SLC8A1: variants seen among roughly 807,000 people sequenced by gnomAD.
SLC8A1 encodes the protein sodium/calcium exchanger 1.
Under a neutral mutation model 68.3 loss-of-function variants are expected in SLC8A1, and 18 were observed. The ratio of observed to expected loss-of-function variants is 0.26; its 90% CI spans 0.18 to 0.39. SLC8A1 has a LOEUF of 0.39. Ranked by LOEUF, SLC8A1 falls within the 10% of genes least tolerant of loss-of-function variation. SLC8A1 has a pLI of 1.00. For synonymous variants in SLC8A1, 475 were observed against 415.5 expected, an observed-to-expected ratio of 1.14 and a Z score of -1.74; for missense variants, 985 against 1,156.7, an observed-to-expected ratio of 0.85 and a Z score of 2.15.
chr2:40,278,264 A>T (rs71439292), intron 2 of SLC8A1, among the ~76,000 whole-genome samples: 2 of 151,812 alleles, frequency 1.3e-5, no homozygotes, highest in Non-Finnish European at 2.9e-5. Flanking sequence ...AGGTCAAGAG[A>T]TAGAGACCAT....
intron 2 of SLC8A1, among the ~76,000 whole-genome samples, chr2:40,224,157 G>A (rs1288404259): frequency 6.6e-6 from 1 of 152,132 alleles, no homozygotes; most frequent in Admixed American, 6.6e-5. Context: ...GTGGATTACT[G>A]TAGCCAATCA....
At chr2:40,159,638 A>G (rs1257822904) in intron 6 of SLC8A1, among the ~76,000 whole-genome samples, 1 of 152,194 alleles carries the variant, frequency 6.6e-6, no homozygotes, top group Non-Finnish European at 1.5e-5. Flanking sequence ...CATAAGAAAT[A>G]AAAGAGAGTT....
intron 6 of SLC8A1, among the ~76,000 whole-genome samples, chr2:40,144,333 T>G (rs1050526567): frequency 2.6e-5 from 4 of 152,214 alleles, no homozygotes; most frequent in African/African-American, 9.6e-5. Context: ...AAGTGGGCAT[T>G]ATTAATCCCA....
intron 2 of SLC8A1, among the ~76,000 whole-genome samples, chr2:40,361,749 G>T (rs1184847184): frequency 6.6e-6 from 1 of 151,834 alleles, no homozygotes; most frequent in African/African-American, 2.4e-5. Flanking sequence ...ACACGTATCG[G>T]GTAGGAAGGA....
At chr2:40,470,401 G>A (rs908236555) in intron 1 of SLC8A1, among the ~76,000 whole-genome samples, 7 of 151,774 alleles carry the variant, frequency 4.6e-5, no homozygotes, top group African/African-American at 1.7e-4. Context: ...AGTTCAAAAT[G>A]GCATTATTTA....
intron 2 of SLC8A1, among the ~76,000 whole-genome samples, chr2:40,397,983 A>G (rs1687522263): frequency 6.6e-6 from 1 of 152,200 alleles, no homozygotes; most frequent in Admixed American, 6.5e-5. Flanking sequence ...GAGCCAACGG[A>G]TGTTTCAACT....
At chr2:40,239,978 G>A (rs1483369248) in intron 2 of SLC8A1, among the ~76,000 whole-genome samples, 1 of 152,170 alleles carries the variant, frequency 6.6e-6, no homozygotes, top group Admixed American at 6.5e-5. Flanking sequence ...GTAATCCGAA[G>A]TCATGTGAAT....
intron 2 of SLC8A1, among the ~76,000 whole-genome samples, chr2:40,221,633 C>T (rs1004220375): frequency 4.0e-5 from 6 of 151,740 alleles, no homozygotes; most frequent in African/African-American, 1.5e-4. Context: ...TTAGAAAACC[C>T]CAACGTTTCA....
At chr2:40,277,255 A>G (rs1386140489) in intron 2 of SLC8A1, among the ~76,000 whole-genome samples, 2 of 151,964 alleles carry the variant, frequency 1.3e-5, no homozygotes, top group African/African-American at 2.4e-5. Context: ...TAAAACAGAG[A>G]TAGTGCTGGG....
intron 2 of SLC8A1, chr2:40,254,274 ATTAACGGTCAAAAT>A (rs1217604389): frequency 6.6e-6 from 1 of 152,262 alleles, no homozygotes; most frequent in African/African-American, 2.4e-5. Flanking sequence ...ATTTCCTTAC[ATTAACGGTCAAAAT>A]GAATGCCACA....
At chr2:40,393,441 T>C (rs982418466) in intron 2 of SLC8A1, among the ~76,000 whole-genome samples, 5 of 152,144 alleles carry the variant, frequency 3.3e-5, no homozygotes, top group African/African-American at 9.7e-5. Context: ...AAGGGTGGAA[T>C]TGCTATGTTC....
At chr2:40,393,286 C>T (rs912230558) in intron 2 of SLC8A1, among the ~76,000 whole-genome samples, 1 of 152,024 alleles carries the variant, frequency 6.6e-6, no homozygotes, top group Non-Finnish European at 1.5e-5. Context: ...AAAATCCCAA[C>T]AGCTATCCAG....
chr2:40,317,894 G>A (rs958371088), intron 2 of SLC8A1, among the ~76,000 whole-genome samples: 7 of 151,952 alleles, frequency 4.6e-5, no homozygotes, highest in East Asian at 1.9e-4. Flanking sequence ...TTCACTCCTC[G>A]AGGTGGTATG....
exon 8 of SLC8A1, chr2:40,102,328 A>T (rs1315310378): frequency 4.0e-5 from 6 of 150,312 alleles, no homozygotes; most frequent in African/African-American, 1.2e-4. Context: ...TTTGTTCACA[A>T]TTTCTTGAAT....
At chr2:40,237,792 G>A (rs1000708611) in intron 2 of SLC8A1, among the ~76,000 whole-genome samples, 18 of 152,246 alleles carry the variant, frequency 1.2e-4, no homozygotes, top group East Asian at 9.7e-4. Flanking sequence ...TGGTGTGGAC[G>A]TCCTTTCTGT....
chr2:40,436,878 C>T (rs1699523856), intron 1 of SLC8A1, among the ~76,000 whole-genome samples: 1 of 151,978 alleles, frequency 6.6e-6, no homozygotes, highest in African/African-American at 2.4e-5. Context: ...GTGAAGTTAG[C>T]CAGGTTTGTC....
chr2:40,374,279 A>G (rs1679084726), intron 2 of SLC8A1, among the ~76,000 whole-genome samples: 1 of 152,092 alleles, frequency 6.6e-6, no homozygotes. Flanking sequence ...TGGAAGGCCA[A>G]GGCAGGTGGG....
intron 2 of SLC8A1, among the ~76,000 whole-genome samples, chr2:40,365,523 C>T (rs1675888098): frequency 6.6e-6 from 1 of 152,046 alleles, no homozygotes; most frequent in Non-Finnish European, 1.5e-5. Flanking sequence ...CAGCACTGCT[C>T]AAGAATCACT....
At chr2:40,444,171 C>T (rs1201203171) in intron 1 of SLC8A1, among the ~76,000 whole-genome samples, 4 of 151,944 alleles carry the variant, frequency 2.6e-5, no homozygotes, top group Admixed American at 1.3e-4. Flanking sequence ...CCTGTCTCTA[C>T]AAAAATAAAA....
Sources: allele counts gnomAD v4.1 joint callset (sites outside exome capture counted in the v4.1 genomes callset), GRCh38; gene constraint gnomAD v4.1.1; transcripts MANE v1.5; gene names NCBI Gene and HGNC (gene_info 2026-07-23, HGNC 2026-07-21).